Variants in MEI1 observed in about 807,000 individuals in gnomAD.
MEI1 encodes meiosis inhibitor protein 1.
MEI1 carries 103 observed loss-of-function variants against 146.2 expected under a neutral mutation model. The ratio of observed to expected loss-of-function variants is 0.70; its 90% CI spans 0.60 to 0.83. The LOEUF is 0.83. Ranked by LOEUF, MEI1 falls within the 40% of genes least tolerant of loss-of-function variation. The pLI is 0.00. For missense variants in MEI1, 1,529 were observed against 1,533.0 expected (o/e 1.00, Z 0.04); for synonymous variants, 652 against 628.2 (o/e 1.04, Z -0.57).
intron 3 of MEI1, among the ~76,000 whole-genome samples, chr22:41,712,002 G>A: frequency 6.6e-6 from 1 of 151,442 alleles, no homozygotes; most frequent in East Asian, 2.0e-4. Context: ...AGGAGTTCGA[G>A]ACCAGCCTGG....
chr22:41,776,181 A>G lies in MEI1; in HGVS notation c.2624A>G (p.Asp875Gly). 6.2e-7 allele frequency: 1 copy of G among 1,613,978 alleles called. No homozygotes were observed. Among genetic ancestry groups the G allele is most frequent in the Non-Finnish European group, 8.5e-7 (1 of 1,179,888 alleles). ...SLRTFLRRNE[D>G]IQVGGLIRGH... ...AGGACCTTCCTGAGGAGGAATGAGGATATCCAAGTGGGCGGTCTTATCCGA... is the reference window on the plus strand; with the variant it reads ...AGGACCTTCCTGAGGAGGAATGAGGGTATCCAAGTGGGCGGTCTTATCCGA... Residue 875 changes from aspartate (D) to glycine (G), a missense_variant, in exon 21 of 31, where the codon GAT (aspartate) becomes GGT (glycine). Asp to Gly is a moderately conservative substitution (Grantham distance 94). Around this residue, in one of 3 missense-constraint regions of MEI1, gnomAD observed 1,212 missense variants for 1,178.9 expected, o/e 1.03. Transcript: ENST00000401548.
rs563831261 is a variant in MEI1 at position 41,793,705 on chromosome 22, C to T, written c.3346-124C>T. 4 of 773,796 alleles carry T rather than the reference C, an allele frequency of 5.2e-6. No individual in the cohort carries two copies. The South Asian group carries it at 7.4e-5, about 14-fold the overall frequency. The allele number at this position is 773,796 out of a possible 1,614,324, so 47.9% of individuals were successfully genotyped here. On this transcript the variant is annotated intron_variant, in intron 26 of 30. Transcript: ENST00000401548. ...AAACATTTCTTGATTATCTACAGGG[C>T]TATAATCCCAAATCTGAAATTCTGA...
chr22:41,713,911 C>A, intron 3 of MEI1, 91 bp from the exon 4 acceptor site: 1 of 1,006,004 alleles, frequency 9.9e-7, no homozygotes, highest in Non-Finnish European at 1.5e-6. Context: ...AGGCAAATCA[C>A]TATCCTGCAC....
chr22:41,711,866 T>C (rs1250230751), intron 3 of MEI1, among the ~76,000 whole-genome samples: 1 of 151,816 alleles, frequency 6.6e-6, no homozygotes, highest in Non-Finnish European at 1.5e-5. Context: ...TTTTTTTTAG[T>C]ATATATAAAG....
chr22:41,705,390 T>C, intron 2 of MEI1, 114 bp from the exon 3 acceptor site: 1 of 886,510 alleles, frequency 1.1e-6, no homozygotes, highest in Non-Finnish European at 1.9e-6. Flanking sequence ...CAGGCTTTTC[T>C]TGAATTCCTG....
At chr22:41,755,873 C>T (rs1448692843) in intron 17 of MEI1, among the ~76,000 whole-genome samples, 1 of 152,112 alleles carries the variant, frequency 6.6e-6, no homozygotes, top group African/African-American at 2.4e-5. Flanking sequence ...CATGCGCTAT[C>T]CTCACCCTCT....
chr22:41,749,319 G>A (rs546333932), intron 15 of MEI1, among the ~76,000 whole-genome samples: 23 of 151,548 alleles, frequency 1.5e-4, no homozygotes, highest in Admixed American at 2.6e-4. Flanking sequence ...CTTGTTGCCC[G>A]GGCTAGAGTG....
At chr22:41,762,175 T>C (rs149237222) in intron 18 of MEI1, among the ~76,000 whole-genome samples, 54 of 152,316 alleles carry the variant, frequency 3.5e-4, no homozygotes, top group African/African-American at 1.2e-3. Flanking sequence ...CCTCCTCAAA[T>C]GCTACCATTA....
In MEI1 at chr22:41,795,529, G is replaced by A. The variant is rs763887366; in HGVS notation, c.3653G>A (p.Gly1218Asp). The A allele has an allele frequency of 1.2e-6, 2 of 1,613,774 alleles. No individual in the cohort carries two copies. The highest frequency in any genetic ancestry group is 1.7e-6 in the Non-Finnish European group (2 of 1,179,840). Residue 1218 changes from glycine to aspartate, a missense_variant, in exon 29 of 31, where the codon GGC becomes GAC. This residue lies in a region of MEI1 where 313 missense variants were observed against 337.3 expected (regional missense o/e 0.93). Coordinates refer to ENST00000401548, the MANE Select transcript of MEI1 (RefSeq NM_152513.4). This position sits in a 1 kb window ranked among gnomAD's most constrained non-coding sequence, Gnocchi z 4.2. ...AACACCACACTCCAGGCCCTGCATG[G>A]CTTCTTCCAGCAGGTGGGTGGGAAG... ...LSNTTLQALH[G>D]FFQQLQSMGH...
At chr22:41,785,621 T>C (rs868585760) in intron 26 of MEI1, among the ~76,000 whole-genome samples, 20 of 151,670 alleles carry the variant, frequency 1.3e-4, no homozygotes, top group African/African-American at 4.6e-4. Flanking sequence ...TGGAGTGCAA[T>C]GGTGCAATCT....
intron 11 of MEI1, among the ~76,000 whole-genome samples, chr22:41,736,248 CTTTTTCT>C: frequency 1.6e-5 from 2 of 125,242 alleles, no homozygotes; most frequent in South Asian, 5.1e-4. Flanking sequence ...TTTCTTTTTT[CTTTTTCT>C]TTTTTTTTTT....
intron 11 of MEI1, among the ~76,000 whole-genome samples, chr22:41,741,558 C>A (rs889390256): frequency 3.3e-5 from 5 of 152,200 alleles, no homozygotes; most frequent in African/African-American, 1.2e-4. Context: ...ACATTTACCC[C>A]ACACTCATAA....
chr22:41,720,684 C>T (rs559169042), intron 6 of MEI1, among the ~76,000 whole-genome samples: 4 of 151,976 alleles, frequency 2.6e-5, no homozygotes, highest in Admixed American at 1.3e-4. Context: ...GCAAGCTCCA[C>T]CTCCCGGGTT....
At chr22:41,748,379 C>T (rs970229943) in intron 15 of MEI1, among the ~76,000 whole-genome samples, 161 bp downstream of exon 15, 1 of 152,054 alleles carries the variant, frequency 6.6e-6, no homozygotes, top group Non-Finnish European at 1.5e-5. Context: ...AAGTGTCAGG[C>T]AGCAATCAAA....
chr22:41,792,297 T>C (rs1278793934), intron 26 of MEI1, among the ~76,000 whole-genome samples: 4 of 152,196 alleles, frequency 2.6e-5, no homozygotes, highest in African/African-American at 9.7e-5. Flanking sequence ...TGATCAGCTA[T>C]GCAGAATCTT....
intron 22 of MEI1, among the ~76,000 whole-genome samples, chr22:41,780,497 T>G (rs927934814): frequency 2.6e-5 from 4 of 151,848 alleles, no homozygotes; most frequent in African/African-American, 9.7e-5. Flanking sequence ...CCTGGGAGAA[T>G]GCAGAAGCAC....
At chr22:41,763,481 CAGAG>C (rs2074641354) in intron 19 of MEI1, among the ~76,000 whole-genome samples, 160 bp downstream of exon 19, 2 of 151,648 alleles carry the variant, frequency 1.3e-5, no homozygotes, top group East Asian at 3.9e-4. Flanking sequence ...CAGACTCATA[CAGAG>C]CCTGTATAAT....
At chr22:41,752,310 C>G (rs1196705794) in intron 15 of MEI1, 3 of 400,528 alleles carry the variant, frequency 7.5e-6, no homozygotes, top group Non-Finnish European at 1.4e-5. Context: ...AAAATGAACA[C>G]TTATTGCAGC....
intron 6 of MEI1, among the ~76,000 whole-genome samples, chr22:41,720,128 C>T (rs2070627477): frequency 6.6e-6 from 1 of 152,014 alleles, no homozygotes; most frequent in Non-Finnish European, 1.5e-5. Context: ...TGGAGGTGCA[C>T]AGCAGAGGGT....
Sources: allele counts gnomAD v4.1 joint callset (sites outside exome capture counted in the v4.1 genomes callset), GRCh38; gene constraint gnomAD v4.1.1; regional missense constraint gnomAD v4.1.1; non-coding constraint Gnocchi (gnomAD v3.1); transcripts MANE v1.5; gene names NCBI Gene and HGNC (gene_info 2026-07-23, HGNC 2026-07-21).